The following JARID2 variants were observed in gnomAD, a reference collection of about 807,000 sequenced individuals.
JARID2 encodes the protein protein Jumonji.
JARID2 carries 21 observed loss-of-function variants against 125.6 expected under a neutral mutation model. The ratio of observed to expected loss-of-function variants is 0.17; its 90% CI spans 0.12 to 0.24. JARID2 has a LOEUF of 0.24. Ranked by LOEUF, JARID2 falls within the 10% of genes least tolerant of loss-of-function variation. The pLI is 1.00. For missense variants in JARID2, 1,303 were observed against 1,639.6 expected, an observed-to-expected ratio of 0.79 and a Z score of 3.55; for synonymous variants, 736 against 661.6, an observed-to-expected ratio of 1.11 and a Z score of -1.73.
At chr6:15,492,931 C>T (rs1770226842) in intron 6 of JARID2, among the ~76,000 whole-genome samples, 1 of 152,114 alleles carries the variant, frequency 6.6e-6, no homozygotes, top group African/African-American at 2.4e-5. Context: ...AATATTGCAA[C>T]TCATTTCTCT....
chr6:15,469,641 G>A (rs1001570402), intron 5 of JARID2, among the ~76,000 whole-genome samples: 2 of 151,292 alleles, frequency 1.3e-5, no homozygotes, highest in African/African-American at 4.9e-5. Context: ...ATAGAGAAGT[G>A]ACTTAAATGG....
intron 1 of JARID2, among the ~76,000 whole-genome samples, chr6:15,289,108 A>T (rs962085520): frequency 6.6e-6 from 1 of 152,146 alleles, no homozygotes; most frequent in Non-Finnish European, 1.5e-5. Context: ...AGTTAATCCA[A>T]CGAGGTGGCA....
intron 2 of JARID2, among the ~76,000 whole-genome samples, chr6:15,375,230 G>C (rs1270147782): frequency 6.6e-6 from 1 of 152,184 alleles, no homozygotes; most frequent in Non-Finnish European, 1.5e-5. Flanking sequence ...TTGCTGCTCT[G>C]TTTCTATGGG....
intron 17 of JARID2, among the ~76,000 whole-genome samples, chr6:15,519,557 G>A (rs534703925): frequency 3.3e-5 from 5 of 152,338 alleles, no homozygotes; most frequent in East Asian, 1.9e-4. Flanking sequence ...ATTATAGGAT[G>A]TACTGTGTGA....
In JARID2 at chr6:15,478,530, G is replaced by A. The variant is rs958150747; in HGVS notation, c.671-8777G>A. 2.6e-5 allele frequency among the ~76,000 whole-genome samples: 4 copies of A among 151,752 alleles called. No individual in the cohort carries two copies. The South Asian group carries it at 6.3e-4, about 24-fold the overall frequency. ...ATGCGTTCTGGTCTAACTCGCATGT[G>A]CATATTTAAGGGTGTTTCTCTCTCG... On this transcript the variant is annotated intron_variant, in intron 5 of 17. Coordinates refer to ENST00000341776, the MANE Select transcript of JARID2 (RefSeq NM_004973.4).
chr6:15,361,916 C>A (rs1763809889), intron 1 of JARID2, among the ~76,000 whole-genome samples: 1 of 125,124 alleles, frequency 8.0e-6, no homozygotes. Flanking sequence ...TTTTTTTTCC[C>A]TGAGATGGAG....
intron 2 of JARID2, among the ~76,000 whole-genome samples, chr6:15,402,264 G>A (rs914090966): frequency 2.6e-5 from 4 of 152,154 alleles, no homozygotes; most frequent in African/African-American, 9.7e-5. Flanking sequence ...AGTTAAAGCA[G>A]CAGCTTTGCT....
chr6:15,302,649 A>C (rs1043777297), intron 1 of JARID2, among the ~76,000 whole-genome samples: 11 of 152,222 alleles, frequency 7.2e-5, no homozygotes, highest in African/African-American at 2.7e-4. Flanking sequence ...TCCATTGCCT[A>C]GGATAGCCAA....
rs373344561 is a variant in JARID2, at chr6:15,380,558, G to A, written c.181+6306G>A. On this transcript the variant is annotated intron_variant, in intron 2 of 17. Coordinates refer to ENST00000341776, the MANE Select transcript of JARID2 (RefSeq NM_004973.4). Reference sequence around the variant, plus strand: ...GTTTTGTGTTTTTAATGCTGTTGTCGTTCTGGCTGGCTGGAACTCACTGGA... The same window carrying A: ...GTTTTGTGTTTTTAATGCTGTTGTCATTCTGGCTGGCTGGAACTCACTGGA... 3.9e-5 allele frequency among the ~76,000 whole-genome samples: 6 copies of A among 152,166 alleles called. 1 individual carries two copies. The highest frequency in any genetic ancestry group is 1.2e-4 in the African/African-American group (5 of 41,524).
chr6:15,500,546 C>T (rs1436869082), intron 7 of JARID2, among the ~76,000 whole-genome samples: 1 of 152,188 alleles, frequency 6.6e-6, no homozygotes, highest in Non-Finnish European at 1.5e-5. Context: ...ACACCCGCCT[C>T]CATGTGACAA....
rs969714029 is a variant in JARID2 at position 15,520,274 on chromosome 6, T to C, written c.*23T>C. ...TGAAGATGCCAACGCCCGTGGTCGA[T>C]TTATATATATTTTTTTGTAATTATT... On this transcript the variant is annotated 3_prime_UTR_variant, in exon 18 of 18. Transcript: ENST00000341776. 7 of 1,529,986 alleles carry C rather than the reference T, an allele frequency of 4.6e-6. No homozygotes were observed. Among genetic ancestry groups the C allele is most frequent in the Non-Finnish European group, 6.1e-6 (7 of 1,140,242 alleles). The allele number at this position is 1,529,986 out of a possible 1,614,324, so 94.8% of individuals were successfully genotyped here.
chr6:15,428,343 A>G (rs1156425624), intron 3 of JARID2, among the ~76,000 whole-genome samples: 3 of 152,108 alleles, frequency 2.0e-5, no homozygotes, highest in Non-Finnish European at 4.4e-5. Context: ...TAATGTATAC[A>G]TGTGCCATGT....
At chr6:15,407,135 A>T (rs1296576502) in intron 2 of JARID2, among the ~76,000 whole-genome samples, 1 of 151,960 alleles carries the variant, frequency 6.6e-6, no homozygotes, top group East Asian at 1.9e-4. Flanking sequence ...GGTGGTGCAC[A>T]CTTGTAGTCC....
intron 1 of JARID2, among the ~76,000 whole-genome samples, chr6:15,274,086 G>A (rs964070091): frequency 2.0e-5 from 3 of 152,018 alleles, no homozygotes; most frequent in Non-Finnish European, 2.9e-5. Context: ...CCGCCACCAC[G>A]CCTGCCTAAT....
chr6:15,296,233 A>G (rs975154259), intron 1 of JARID2, among the ~76,000 whole-genome samples: 2 of 152,142 alleles, frequency 1.3e-5, no homozygotes, highest in Admixed American at 1.3e-4. Flanking sequence ...CATAATTCCT[A>G]GCCTAAGTTG....
chr6:15,333,067 G>T (rs1220607892), intron 1 of JARID2, among the ~76,000 whole-genome samples: 2 of 150,894 alleles, frequency 1.3e-5, no homozygotes, highest in Non-Finnish European at 3.0e-5. Flanking sequence ...GAGTAGCTTG[G>T]GACTACAGGC....
chr6:15,264,561 G>C (rs1180176648), intron 1 of JARID2, among the ~76,000 whole-genome samples: 1 of 151,578 alleles, frequency 6.6e-6, no homozygotes, highest in Non-Finnish European at 1.5e-5. Context: ...TGGCCAAGTA[G>C]CCAAGAATTT....
At chr6:15,378,962 G>A (rs1167769133) in intron 2 of JARID2, among the ~76,000 whole-genome samples, 2 of 152,194 alleles carry the variant, frequency 1.3e-5, no homozygotes. Flanking sequence ...CTGTGTGAAG[G>A]GGGTCGGGTA....
intron 3 of JARID2, among the ~76,000 whole-genome samples, chr6:15,433,448 G>GTGTGTGTGTGTA (rs1767057736): frequency 1.4e-5 from 2 of 144,628 alleles, no homozygotes; most frequent in East Asian, 4.1e-4. Context: ...GTGTGTGTGT[G>GTGTGTGTGTGTA]TGTATAATTT....
Sources: gnomAD v4.1 joint callset for allele counts (sites outside exome capture counted in the v4.1 genomes callset) on GRCh38, gnomAD v4.1.1 for gene constraint, MANE v1.5 for transcripts, NCBI Gene and HGNC (gene_info 2026-07-23, HGNC 2026-07-21) for gene names.